The following NAT10 variants were observed in gnomAD, a reference collection of about 807,000 sequenced individuals.
The protein encoded by NAT10 is N-acetyltransferase 10.
A neutral mutation model predicts 132.2 loss-of-function variants in NAT10; 109 were observed. That is an observed-to-expected ratio of 0.82 (90% CI 0.71 to 0.97). The LOEUF is 0.97. Among genes scored for constraint, NAT10 ranks in the 50% least tolerant of loss-of-function variants. NAT10 has a pLI of 0.00. For synonymous variants in NAT10, 479 were observed against 478.0 expected, an observed-to-expected ratio of 1.00 and a Z score of -0.03; for missense variants, 1,184 against 1,263.4, an observed-to-expected ratio of 0.94 and a Z score of 0.95.
intron 1 of NAT10, 29 bp from the exon 2 acceptor site, chr11:34,108,182 A>G (rs774207565): frequency 4.5e-6 from 5 of 1,113,682 alleles, no homozygotes; most frequent in East Asian, 2.5e-5. Flanking sequence ...TCTAGTGCGC[A>G]TGGCCAGTTG....
rs187340791 is a variant in NAT10 at position 34,143,696 on chromosome 11, C to T, written c.2969+168C>T. Among the ~76,000 whole-genome samples, 137 of 152,342 alleles carry T rather than the reference C, an allele frequency of 9.0e-4. 1 individual carries two copies. In the South Asian group the frequency reaches 0.02, roughly 23 times the overall value. On this transcript the variant is annotated intron_variant, in intron 28 of 28. Coordinates refer to ENST00000257829, the MANE Select transcript of NAT10 (RefSeq NM_024662.3). ...GCCATTACCCTTGCAGTGCATGTCC[C>T]ACAGACCAGGAGGGCCATCTCTTAG...
chr11:34,120,121 G>A (rs570829060), intron 8 of NAT10, among the ~76,000 whole-genome samples: 69 of 90,388 alleles, frequency 7.6e-4, no homozygotes, highest in African/African-American at 3.1e-3. Flanking sequence ...CTGTTGTTTT[G>A]TTGTTGTTGT....
rs1182171838 is a variant in NAT10 at position 34,113,748 on chromosome 11, C to T, written c.405C>T (p.Ala135=). The change falls in exon 5 of 29, where the codon GCC becomes GCT. Residue 135 remains alanine (A), a synonymous_variant. Transcript: ENST00000257829. ...AAGCCTTAACTCCAAACTTGCTGGC[C>T]AGGACTGTAGAAACAGTGGAAGGTG... ...DFEALTPNLL[A]RTVETVEGGG... The T allele has an allele frequency of 2.5e-6, 4 of 1,613,886 alleles. No homozygotes were observed. Among genetic ancestry groups the T allele is most frequent in the East Asian group, 2.2e-5 (1 of 44,882 alleles).
At chr11:34,109,931 C>A (rs1217819288) in intron 3 of NAT10, among the ~76,000 whole-genome samples, 1 of 152,150 alleles carries the variant, frequency 6.6e-6, no homozygotes, top group African/African-American at 2.4e-5. Flanking sequence ...AGACTTTTTC[C>A]CAAAATTCTG....
chr11:34,115,219 T>G (rs1412486364), intron 5 of NAT10, among the ~76,000 whole-genome samples: 1 of 152,214 alleles, frequency 6.6e-6, no homozygotes, highest in East Asian at 1.9e-4. Context: ...TGCTGTTGCA[T>G]TTCCAGATCT....
intron 6 of NAT10, among the ~76,000 whole-genome samples, chr11:34,116,325 A>G (rs1281090670): frequency 6.6e-6 from 1 of 152,248 alleles, no homozygotes; most frequent in East Asian, 1.9e-4. Flanking sequence ...AAAAGGCGAC[A>G]AAGTGTTTCT....
At chr11:34,134,171 C>G (rs144781236) in intron 16 of NAT10, 148 bp from the exon 17 acceptor site, 1 of 667,966 alleles carries the variant, frequency 1.5e-6, no homozygotes, top group Non-Finnish European at 2.7e-6. Context: ...CTCAAAAGAG[C>G]GGGGGGAATG....
intron 19 of NAT10, among the ~76,000 whole-genome samples, chr11:34,136,180 C>T (rs972597049): frequency 6.6e-6 from 1 of 151,582 alleles, no homozygotes; most frequent in Non-Finnish European, 1.5e-5. Context: ...CTCCCAGGTT[C>T]AAGCAATTTT....
chr11:34,145,633 T>C (rs7933297), intron 28 of NAT10, among the ~76,000 whole-genome samples: 12,643 of 152,198 alleles, frequency 0.083, 536 homozygotes, highest in Non-Finnish European at 0.092. Flanking sequence ...CATCAGAAAG[T>C]ATGGCAGGGT....
At chr11:34,131,682 TTTTC>T (rs1342531128) in intron 14 of NAT10, 151 bp downstream of exon 14, 123 of 902,688 alleles carry the variant, frequency 1.4e-4, no homozygotes, top group Non-Finnish European at 1.7e-4. Context: ...CCTTTTTTTT[TTTTC>T]TTTCTTTTTT....
chr11:34,124,242 A>T, intron 10 of NAT10, 60 bp from the exon 11 acceptor site: 2 of 1,105,066 alleles, frequency 1.8e-6, no homozygotes, highest in Non-Finnish European at 2.7e-6. Context: ...GCTTACTTTC[A>T]TAATATTTAG....
In NAT10 at chr11:34,132,077, C is replaced by G. The variant is rs764653075; in HGVS notation, c.1521-48C>G. 6 of 1,389,530 alleles carry G rather than the reference C, an allele frequency of 4.3e-6. No homozygotes were observed. The East Asian group carries it at 1.1e-4, about 26-fold the overall frequency. The allele number at this position is 1,389,530 out of a possible 1,614,324, so 86.1% of individuals were successfully genotyped here. A position where few individuals can be genotyped will look rare whatever the true frequency, so the allele number is the denominator to read the frequency against. On this transcript the variant is annotated intron_variant, in intron 14 of 28. Coordinates refer to ENST00000257829, the MANE Select transcript of NAT10 (RefSeq NM_024662.3). ...TTCTGCCTCCAGAGAGTAGTATGAC[C>G]TGTCTTCGGCTATTTGTTTTGTTTT... is the stretch of plus-strand genomic sequence containing the variant.
In NAT10 at chr11:34,108,202, C is replaced by A; in HGVS notation, c.-15-9C>A. ...TGCGCATGGCCAGTTGTATTTCTTT[C>A]TCTTTTAGTAATAATTTTTCACCAT... is the stretch of plus-strand genomic sequence containing the variant. On this transcript the variant is annotated splice_polypyrimidine_tract_variant and intron_variant, in intron 1 of 28. Coordinates refer to ENST00000257829, the MANE Select transcript of NAT10 (RefSeq NM_024662.3). 1 of 1,588,294 alleles carries A rather than the reference C, an allele frequency of 6.3e-7. No individual in the cohort carries two copies. The highest frequency in any genetic ancestry group is 8.6e-7 in the Non-Finnish European group (1 of 1,156,652).
intron 3 of NAT10, among the ~76,000 whole-genome samples, chr11:34,110,457 C>G (rs1421542106): frequency 1.3e-5 from 2 of 151,742 alleles, no homozygotes; most frequent in Non-Finnish European, 2.9e-5. Context: ...CTCTACCTTC[C>G]TCTGCACTTG....
intron 19 of NAT10, among the ~76,000 whole-genome samples, chr11:34,136,236 C>T (rs567616071): frequency 1.3e-5 from 2 of 152,186 alleles, no homozygotes; most frequent in East Asian, 1.9e-4. Flanking sequence ...CACACACCAC[C>T]GTGCCTAGCT....
At chr11:34,143,686 G>A (rs1852382993) in intron 28 of NAT10, among the ~76,000 whole-genome samples, 158 bp downstream of exon 28, 1 of 152,194 alleles carries the variant, frequency 6.6e-6, no homozygotes, top group Non-Finnish European at 1.5e-5. Flanking sequence ...TACCCTTGCA[G>A]TGCATGTCCC....
chr11:34,131,551 A>T lies in NAT10; in HGVS notation c.1520+20A>T. On this transcript the variant is annotated intron_variant, in intron 14 of 28. Coordinates refer to ENST00000257829, the MANE Select transcript of NAT10 (RefSeq NM_024662.3). ...TGAACTGTATCCTCCTCTGGGTTTC[A>T]CTGGCCCTGTGAAAAGGAGAGGGGC... The T allele has an allele frequency of 6.3e-7, 1 of 1,599,742 alleles. No homozygotes were observed. Among genetic ancestry groups the T allele is most frequent in the South Asian group, 1.1e-5 (1 of 89,544 alleles).
intron 6 of NAT10, among the ~76,000 whole-genome samples, chr11:34,117,382 T>C (rs1275843694): frequency 1.3e-5 from 2 of 152,142 alleles, no homozygotes; most frequent in Non-Finnish European, 2.9e-5. Context: ...TGGTGGTGGG[T>C]GCCGTGGGCA....
Position 34,142,248 on chromosome 11 carries a change from AGTCTCTTTATGG to A in NAT10, c.2812-23_2812-12del, listed in dbSNP as rs752872244. ...TTGGTTCAATCCTTGACTCTGACTT[AGTCTCTTTATGG>A]GTCCTTAACCACAGGATGAAGCAGC... On this transcript the variant is annotated splice_polypyrimidine_tract_variant and intron_variant, in intron 26 of 28. Transcript: ENST00000257829. The A allele has an allele frequency of 6.2e-7, 1 of 1,607,590 alleles. No homozygotes were observed. The highest frequency in any genetic ancestry group is 1.3e-5 in the African/African-American group (1 of 74,778).
Sources: gnomAD v4.1 joint callset for allele counts (sites outside exome capture counted in the v4.1 genomes callset) on GRCh38, gnomAD v4.1.1 for gene constraint, MANE v1.5 for transcripts, NCBI Gene and HGNC (gene_info 2026-07-23, HGNC 2026-07-21) for gene names.